The following PLS3 variants were observed in gnomAD, a reference collection of about 807,000 sequenced individuals.
PLS3 encodes the protein plastin-3.
A neutral mutation model predicts 46.5 loss-of-function variants in PLS3; 11 were observed. That is an observed-to-expected ratio of 0.24 (90% CI 0.15 to 0.39). The LOEUF is 0.39. PLS3 is among the 10% of genes least tolerant of loss of function. PLS3 has a pLI of 1.00. For missense variants in PLS3, 308 were observed against 461.8 expected (o/e 0.67, Z 3.05); for synonymous variants, 167 against 162.2 (o/e 1.03, Z -0.22).
At chrX:115,562,837 A>C (rs1434123413) in intron 1 of PLS3, 1 of 906 alleles carries the variant, frequency 1.1e-3, no homozygotes, top group Non-Finnish European at 0.053. Flanking sequence ...TCTACGTTTG[A>C]AAAAAAAAAA....
intron 12 of PLS3, 29 bp from the exon 13 acceptor site, chrX:115,646,373 T>C (rs2074952087): frequency 8.3e-7 from 1 of 1,197,863 alleles, no homozygotes; most frequent in African/African-American, 1.7e-5. Context: ...AATGGAAGTC[T>C]TTAACCATTT....
At chrX:115,598,592 C>T (rs1294755340) in intron 1 of PLS3, among the ~76,000 whole-genome samples, 1 of 111,983 alleles carries the variant, frequency 8.9e-6, no homozygotes, top group African/African-American at 3.2e-5. Context: ...AATTCCAAGC[C>T]ACTTGTTCTT....
chrX:115,580,237 T>C (rs1421564905), intron 1 of PLS3, among the ~76,000 whole-genome samples: 1 of 112,332 alleles, frequency 8.9e-6, no homozygotes, highest in Non-Finnish European at 1.9e-5. Flanking sequence ...CTTTTATGGA[T>C]TGATTTTTGG....
chrX:115,618,215 T>G lies in PLS3; in HGVS notation c.74-4031T>G, dbSNP rs367759150. ...ACATCTAATTTAAAACATCTCTACCTTCCACTTCCATTATAACACTGAGAA... is the reference window on the plus strand; with the variant it reads ...ACATCTAATTTAAAACATCTCTACCGTCCACTTCCATTATAACACTGAGAA... On this transcript the variant is annotated intron_variant, in intron 2 of 15. Coordinates refer to ENST00000355899, the MANE Select transcript of PLS3 (RefSeq NM_005032.7). 4.5e-5 allele frequency among the ~76,000 whole-genome samples: 5 copies of G among 112,232 alleles called. No individual in the cohort carries two copies. In the East Asian group the frequency reaches 8.4e-4, roughly 19 times the overall value.
At chrX:115,637,024 G>T (rs1213783781) in intron 8 of PLS3, 46 bp downstream of exon 8, 2 of 1,122,192 alleles carry the variant, frequency 1.8e-6, no homozygotes, top group African/African-American at 3.6e-5. Flanking sequence ...TATAATAGCT[G>T]GAAGATTTCA....
rs782161793 is a variant in PLS3 at position 115,629,138 on chromosome X, A to T, written c.238-60A>T. On this transcript the variant is annotated intron_variant, in intron 3 of 15. Transcript: ENST00000355899. ...GATCAAGATATAAAAGAATATAAAT[A>T]TGCTTATTGTGCATAGTTTGAAATT... The T allele has an allele frequency of 9.0e-6, 7 of 779,827 alleles. No individual in the cohort carries two copies. In the East Asian group the frequency reaches 2.4e-4, roughly 27 times the overall value. 64.3% of individuals were successfully genotyped at this position (779,827 alleles called of 1,213,427 possible).
At chrX:115,592,602 C>T (rs1201528156) in intron 1 of PLS3, among the ~76,000 whole-genome samples, 5 of 111,863 alleles carry the variant, frequency 4.5e-5, no homozygotes, top group Non-Finnish European at 7.5e-5. Flanking sequence ...CAACTAACCA[C>T]TTGCTTGATT....
chrX:115,586,744 C>T (rs1244675041), intron 1 of PLS3, among the ~76,000 whole-genome samples: 1 of 110,307 alleles, frequency 9.1e-6, no homozygotes, highest in African/African-American at 3.3e-5. Context: ...ATGATAAAGT[C>T]TTGCCTTTTA....
At chrX:115,639,619 C>T (rs1302157698) in intron 8 of PLS3, 1 of 294,462 alleles carries the variant, frequency 3.4e-6, no homozygotes, top group Non-Finnish European at 6.5e-6. Context: ...ATTAAGGAAT[C>T]TTGACTCAAA....
intron 1 of PLS3, among the ~76,000 whole-genome samples, chrX:115,595,230 T>C (rs1556633658): frequency 8.9e-6 from 1 of 111,829 alleles, no homozygotes; most frequent in African/African-American, 3.2e-5. Context: ...AAGGAAACTT[T>C]TACCTAAAAT....
chrX:115,606,084 G>C (rs189548949), intron 1 of PLS3, among the ~76,000 whole-genome samples: 2 of 105,241 alleles, frequency 1.9e-5, no homozygotes, highest in African/African-American at 6.9e-5. Flanking sequence ...AGGGATAAGG[G>C]GGGCGGGGGG....
intron 1 of PLS3, chrX:115,562,271 C>T (rs1249782758): frequency 8.9e-6 from 1 of 112,334 alleles, no homozygotes; most frequent in African/African-American, 3.2e-5. Context: ...AAGTTGCTGC[C>T]GCCGTCGCTG....
At chrX:115,579,977 C>T (rs1296073069) in intron 1 of PLS3, among the ~76,000 whole-genome samples, 2 of 111,808 alleles carry the variant, frequency 1.8e-5, no homozygotes, top group Non-Finnish European at 3.8e-5. Flanking sequence ...CCTTGGCCTC[C>T]TACTGTGCTG....
At chrX:115,585,304 A>G (rs2074300973) in intron 1 of PLS3, among the ~76,000 whole-genome samples, 1 of 112,335 alleles carries the variant, frequency 8.9e-6, no homozygotes, top group Admixed American at 9.5e-5. Context: ...TATCTATTGA[A>G]CAAATATGAG....
intron 1 of PLS3, among the ~76,000 whole-genome samples, chrX:115,583,384 A>G (rs1474010562): frequency 3.5e-5 from 4 of 112,804 alleles, no homozygotes; most frequent in African/African-American, 1.3e-4. Flanking sequence ...AAGTGTATAT[A>G]TGTGCTTGCA....
rs782654513 is a variant in PLS3, at chrX:115,649,713, CA to C, written c.*153del. ...AGGACTAGCTTATCATGAGAGCCCTCAGGGGAAAGGGTTTAAGAAAAACAAC... is the reference window on the plus strand; with the variant it reads ...AGGACTAGCTTATCATGAGAGCCCTCGGGGAAAGGGTTTAAGAAAAACAAC... On this transcript the variant is annotated 3_prime_UTR_variant, in exon 16 of 16. Coordinates refer to ENST00000355899, the MANE Select transcript of PLS3 (RefSeq NM_005032.7). 2.3e-6 allele frequency: 1 copy of C among 437,415 alleles called. No homozygotes were observed. Among genetic ancestry groups the C allele is most frequent in the African/African-American group, 2.4e-5 (1 of 41,719 alleles). The allele number at this position is 437,415 out of a possible 1,213,427, so 36.0% of individuals were successfully genotyped here.
chrX:115,574,650 G>C (rs1431308389), intron 1 of PLS3, among the ~76,000 whole-genome samples: 3 of 110,598 alleles, frequency 2.7e-5, no homozygotes, highest in Non-Finnish European at 5.7e-5. Context: ...CACGATCTCG[G>C]CTCACCGTAA....
chrX:115,584,243 T>C (rs1270832171), intron 1 of PLS3, among the ~76,000 whole-genome samples: 2 of 112,486 alleles, frequency 1.8e-5, no homozygotes, highest in Non-Finnish European at 3.8e-5. Context: ...GGATGCTATG[T>C]CTTCCACATA....
chrX:115,635,851 G>A (rs145297663), intron 7 of PLS3, among the ~76,000 whole-genome samples: 6 of 106,761 alleles, frequency 5.6e-5, no homozygotes, highest in African/African-American at 2.0e-4. Context: ...TTACCTGGGC[G>A]TGGTGGCATG....
Sources: allele counts gnomAD v4.1 joint callset (sites outside exome capture counted in the v4.1 genomes callset), GRCh38; gene constraint gnomAD v4.1.1; transcripts MANE v1.5; gene names NCBI Gene and HGNC (gene_info 2026-07-23, HGNC 2026-07-21).